The following CSMD3 variants were observed in gnomAD, a reference collection of about 807,000 sequenced individuals.
The protein encoded by CSMD3 is CUB and Sushi multiple domains 3, also known as CUB and sushi domain-containing protein 3.
In CSMD3, 177 loss-of-function variants were observed where a neutral mutation model predicts 435.2. That is an observed-to-expected ratio of 0.41 (90% confidence interval 0.36 to 0.46). The LOEUF (loss-of-function observed/expected upper bound fraction) is 0.46. CSMD3 is among the 20% of genes least tolerant of loss of function. CSMD3 has a pLI of 0.34. For missense variants in CSMD3, 4,265 were observed against 4,504.6 expected, an observed-to-expected ratio of 0.95 and a Z score of 1.52; for synonymous variants, 1,656 against 1,520.5, an observed-to-expected ratio of 1.09 and a Z score of -2.07.
intron 3 of CSMD3, among the ~76,000 whole-genome samples, chr8:113,207,894 T>G (rs1349187671): frequency 6.6e-6 from 1 of 152,162 alleles, no homozygotes; most frequent in Non-Finnish European, 1.5e-5. Flanking sequence ...CTTAACAATA[T>G]ACCTCACAAC....
At position 112,341,636 on chromosome 8, in the gene CSMD3, A is replaced by G. The variant is rs760625690; in HGVS notation, c.6493T>C (p.Leu2165=). The G allele has an allele frequency of 6.2e-7, 1 of 1,613,342 alleles. No individual in the cohort carries two copies. Among genetic ancestry groups the G allele is most frequent in the African/African-American group, 1.3e-5 (1 of 75,010 alleles). The part of the protein sequence containing the change: ...NFSTETIHDY[L]EVRSGSSETS... Reference sequence around the variant, plus strand: ...TCTGAGGATCCACTTCGTACTTCCAAATAATCATGTATGGTTTCTGTAGAA... The same window carrying G: ...TCTGAGGATCCACTTCGTACTTCCAGATAATCATGTATGGTTTCTGTAGAA... Residue 2165 remains leucine, a synonymous_variant, in exon 42 of 71, where the codon TTG becomes CTG. Transcript: ENST00000297405.
intron 42 of CSMD3, 95 bp downstream of exon 42, chr8:112,341,382 T>A: frequency 1.1e-6 from 1 of 882,600 alleles, no homozygotes. Context: ...TTTTTCTTTC[T>A]AAAACAGAAT....
intron 27 of CSMD3, among the ~76,000 whole-genome samples, chr8:112,531,168 C>T (rs1825491986): frequency 6.6e-6 from 1 of 152,090 alleles, no homozygotes; most frequent in Admixed American, 6.6e-5. Flanking sequence ...GAAACTAGTA[C>T]AGTGCCACCA....
intron 10 of CSMD3, among the ~76,000 whole-genome samples, chr8:112,914,604 T>C: frequency 6.6e-6 from 1 of 151,522 alleles, no homozygotes. Flanking sequence ...CAGTGACTTT[T>C]ACAACTTCAA....
chr8:113,099,011 C>T (rs375075761), intron 4 of CSMD3, 48 bp from the exon 5 acceptor site: 10 of 1,235,120 alleles, frequency 8.1e-6, no homozygotes, highest in Non-Finnish European at 1.1e-5. Context: ...GAGATAAATG[C>T]AATTGTTCAG....
At chr8:112,576,546 A>AT (rs1829959014) in intron 23 of CSMD3, among the ~76,000 whole-genome samples, 1 of 151,534 alleles carries the variant, frequency 6.6e-6, no homozygotes, top group South Asian at 2.1e-4. Flanking sequence ...TTATTTATTC[A>AT]TTTTTTTGAC....
intron 19 of CSMD3, 97 bp downstream of exon 19, chr8:112,650,064 C>A (rs2075084944): frequency 2.2e-6 from 2 of 923,586 alleles, no homozygotes; most frequent in South Asian, 1.5e-5. Flanking sequence ...TTTAAAAAAC[C>A]TAAAATATTT....
intron 22 of CSMD3, among the ~76,000 whole-genome samples, chr8:112,592,681 C>T (rs1831298736): frequency 6.6e-6 from 1 of 151,978 alleles, no homozygotes; most frequent in African/African-American, 2.4e-5. Flanking sequence ...GACTATTTCC[C>T]ATAATCTGAC....
At chr8:112,429,115 C>T (rs555169289) in intron 32 of CSMD3, among the ~76,000 whole-genome samples, 2 of 152,096 alleles carry the variant, frequency 1.3e-5, no homozygotes, top group Non-Finnish European at 2.9e-5. Context: ...AGTCACCATG[C>T]TGTATAATGT....
chr8:112,485,794 TTTTAAAAGCTTGTATCATTCC>T (rs1480701045), intron 31 of CSMD3, among the ~76,000 whole-genome samples: 8 of 152,162 alleles, frequency 5.3e-5, no homozygotes, highest in Admixed American at 5.2e-4. Context: ...AGGGCTCTTC[TTTTAAAAGCTTGTATCATTCC>T]ACATATACTT....
intron 51 of CSMD3, 86 bp from the exon 52 acceptor site, chr8:112,305,001 T>G: frequency 1.1e-6 from 1 of 949,478 alleles, no homozygotes; most frequent in East Asian, 2.6e-5. Context: ...CTGACCTAAT[T>G]CACTTACTCT....
intron 27 of CSMD3, among the ~76,000 whole-genome samples, chr8:112,541,094 A>T (rs887367871): frequency 4.6e-5 from 7 of 151,912 alleles, no homozygotes; most frequent in African/African-American, 1.7e-4. Context: ...TCAAGATGAA[A>T]CAAAAACACG....
At chr8:113,372,268 T>C (rs1429557632) in intron 1 of CSMD3, among the ~76,000 whole-genome samples, 2 of 152,208 alleles carry the variant, frequency 1.3e-5, no homozygotes, top group East Asian at 1.9e-4. Flanking sequence ...ACAAAGTCCA[T>C]AGTTAGTATC....
chr8:113,025,423 T>A (rs902416948), intron 5 of CSMD3, among the ~76,000 whole-genome samples: 3 of 152,174 alleles, frequency 2.0e-5, no homozygotes, highest in East Asian at 1.9e-4. Flanking sequence ...CTGCAAAAAC[T>A]TACGGTAATA....
At chr8:112,876,307 G>A (rs1333323123) in intron 10 of CSMD3, among the ~76,000 whole-genome samples, 1 of 152,028 alleles carries the variant, frequency 6.6e-6, no homozygotes. Flanking sequence ...GAAAAAGAGA[G>A]ACTCCTCCCT....
intron 1 of CSMD3, among the ~76,000 whole-genome samples, chr8:113,436,093 A>G (rs554101322): frequency 9.2e-5 from 14 of 152,144 alleles, no homozygotes; most frequent in Admixed American, 2.6e-4. Context: ...CCAAACCTCT[A>G]CCACAGGTCC....
At chr8:113,124,987 G>A (rs923135576) in intron 4 of CSMD3, among the ~76,000 whole-genome samples, 2 of 151,858 alleles carry the variant, frequency 1.3e-5, no homozygotes, top group Non-Finnish European at 2.9e-5. Flanking sequence ...GCAGGTCCAC[G>A]GATAAATATG....
intron 9 of CSMD3, among the ~76,000 whole-genome samples, chr8:112,942,966 T>C (rs13270310): frequency 0.43 from 65,074 of 151,546 alleles, 14,116 homozygotes; most frequent in East Asian, 0.52. Context: ...GCATTCCTGT[T>C]GTTTTACTTT....
chr8:112,379,495 G>A (rs1229169309), intron 38 of CSMD3, among the ~76,000 whole-genome samples: 1 of 151,906 alleles, frequency 6.6e-6, no homozygotes, highest in Non-Finnish European at 1.5e-5. Context: ...AACCTGAAAA[G>A]CTACTAAATA....
Sources: allele counts gnomAD v4.1 joint callset (sites outside exome capture counted in the v4.1 genomes callset), GRCh38; gene constraint gnomAD v4.1.1; transcripts MANE v1.5; gene names NCBI Gene and HGNC (gene_info 2026-07-23, HGNC 2026-07-21).